Variants in RAB31 observed in about 807,000 individuals in gnomAD.
The protein encoded by RAB31 is ras-related protein Rab-31.
RAB31 carries 21 observed loss-of-function variants against 25.6 expected under a neutral mutation model. That is an observed-to-expected ratio of 0.82 (90% CI 0.58 to 1.18). The LOEUF is 1.18. Among genes scored for constraint, RAB31 ranks in the 50% most tolerant of loss-of-function variants. The probability of loss-of-function intolerance (pLI) is 0.00; values close to 1 mark genes in which losing one functional copy is unlikely to be tolerated. For synonymous variants in RAB31, 87 were observed against 84.0 expected (o/e 1.04, Z -0.20); for missense variants, 196 against 250.1 (o/e 0.78, Z 1.46).
chr18:9,749,963 C>A (rs756102589), intron 1 of RAB31, among the ~76,000 whole-genome samples: 32 of 152,120 alleles, frequency 2.1e-4, no homozygotes, highest in Non-Finnish European at 2.8e-4. Context: ...CCAGTGGGCC[C>A]TTTGATTCAT....
intron 6 of RAB31, among the ~76,000 whole-genome samples, chr18:9,850,536 G>A (rs2068784023): frequency 1.3e-5 from 2 of 152,198 alleles, no homozygotes; most frequent in South Asian, 4.1e-4. Flanking sequence ...GTCTGGATTG[G>A]GGTGGAACCC....
At chr18:9,819,753 T>G (rs1013896426) in intron 5 of RAB31, among the ~76,000 whole-genome samples, 2 of 152,102 alleles carry the variant, frequency 1.3e-5, no homozygotes, top group African/African-American at 2.4e-5. Flanking sequence ...TTTAGCAATG[T>G]TTTATAGCTT....
intron 3 of RAB31, among the ~76,000 whole-genome samples, chr18:9,804,760 T>G (rs2068531441): frequency 6.6e-6 from 1 of 152,114 alleles, no homozygotes; most frequent in Admixed American, 6.5e-5. Flanking sequence ...AGCACGGACC[T>G]GTGGTAGGAA....
intron 5 of RAB31, among the ~76,000 whole-genome samples, chr18:9,833,524 C>T (rs2068689609): frequency 6.6e-6 from 1 of 152,190 alleles, no homozygotes; most frequent in African/African-American, 2.4e-5. Flanking sequence ...TTTGCTCGAT[C>T]TCTTGTTAGT....
intron 1 of RAB31, among the ~76,000 whole-genome samples, chr18:9,720,613 G>C (rs1160667059): frequency 6.6e-6 from 1 of 151,906 alleles, no homozygotes; most frequent in South Asian, 2.1e-4. Flanking sequence ...CCCAAGATTC[G>C]GTGTCAGAGT....
intron 1 of RAB31, among the ~76,000 whole-genome samples, chr18:9,731,581 C>T (rs1342038191): frequency 6.8e-6 from 1 of 146,408 alleles, no homozygotes; most frequent in African/African-American, 2.5e-5. Context: ...AGATGAGAAC[C>T]TTTCTGGGAA....
rs2068453766 is a variant in RAB31, at chr18:9,790,368, G to A, written c.120-1786G>A. ...AGTCTTCTGAGCTGCCAGAACTACA[G>A]GCTGTGCCATAATGCTCAGCTGATT... On this transcript the variant is annotated intron_variant, in intron 2 of 6. Coordinates refer to ENST00000578921, the MANE Select transcript of RAB31 (RefSeq NM_006868.4). Among the ~76,000 whole-genome samples the A allele has an allele frequency of 2.0e-5, 3 of 151,880 alleles. 1 individual carries two copies. Among genetic ancestry groups the A allele is most frequent in the Non-Finnish European group, 4.4e-5 (3 of 67,958 alleles).
chr18:9,751,031 G>A (rs747653329), intron 1 of RAB31, among the ~76,000 whole-genome samples: 2 of 151,842 alleles, frequency 1.3e-5, no homozygotes, highest in African/African-American at 2.4e-5. Flanking sequence ...TTCTTTTTTC[G>A]TTTTTTAATT....
chr18:9,747,322 C>T (rs2068210735), intron 1 of RAB31, among the ~76,000 whole-genome samples: 1 of 152,132 alleles, frequency 6.6e-6, no homozygotes, highest in South Asian at 2.1e-4. Flanking sequence ...GAAAACAGTG[C>T]TTTGGTGATT....
At chr18:9,776,355 T>C (rs1568176206) in intron 2 of RAB31, among the ~76,000 whole-genome samples, 1 of 152,162 alleles carries the variant, frequency 6.6e-6, no homozygotes, top group Non-Finnish European at 1.5e-5. Context: ...TCTGTATGTT[T>C]TGGGAAACCT....
intron 6 of RAB31, among the ~76,000 whole-genome samples, chr18:9,854,035 A>G (rs2068803030): frequency 6.7e-6 from 1 of 149,446 alleles, no homozygotes; most frequent in South Asian, 2.1e-4. Flanking sequence ...ACAGGTATAC[A>G]TATGCCATAG....
intron 1 of RAB31, among the ~76,000 whole-genome samples, chr18:9,750,818 T>C (rs1016677852): frequency 6.6e-6 from 1 of 152,204 alleles, no homozygotes; most frequent in Non-Finnish European, 1.5e-5. Flanking sequence ...TGCAAACTTT[T>C]GGCCTTGTTG....
chr18:9,857,754 C>G (rs971092100), intron 6 of RAB31, among the ~76,000 whole-genome samples: 2 of 151,274 alleles, frequency 1.3e-5, no homozygotes, highest in African/African-American at 4.9e-5. Flanking sequence ...TAGCCTAGGC[C>G]TGGTGGCTCA....
intron 5 of RAB31, among the ~76,000 whole-genome samples, chr18:9,829,110 C>T (rs1473474462): frequency 6.6e-6 from 1 of 152,116 alleles, no homozygotes; most frequent in Non-Finnish European, 1.5e-5. Context: ...ACAAGCATAT[C>T]GTAAGGAATA....
intron 1 of RAB31, among the ~76,000 whole-genome samples, chr18:9,712,981 A>G (rs1197118478): frequency 1.3e-5 from 2 of 152,180 alleles, no homozygotes; most frequent in Admixed American, 6.5e-5. Flanking sequence ...ATTTGGTGAG[A>G]CATCTGGGTA....
At chr18:9,734,961 G>A in intron 1 of RAB31, 1 of 279,560 alleles carries the variant, frequency 3.6e-6, no homozygotes, top group Non-Finnish European at 7.4e-6. Flanking sequence ...TTGCACCACA[G>A]CAGTGATGGG....
chr18:9,725,888 G>A (rs1456513224), intron 1 of RAB31: 2 of 152,196 alleles, frequency 1.3e-5, no homozygotes, highest in South Asian at 2.1e-4. Flanking sequence ...GCTCAAATGC[G>A]TTTATAATAA....
intron 1 of RAB31, among the ~76,000 whole-genome samples, chr18:9,713,878 T>C (rs572572040): frequency 6.6e-5 from 10 of 152,134 alleles, no homozygotes; most frequent in Non-Finnish European, 1.3e-4. Context: ...ACTGAGAGAG[T>C]GCTCGGTCTC....
At chr18:9,790,277 A>C (rs2068453448) in intron 2 of RAB31, among the ~76,000 whole-genome samples, 1 of 152,166 alleles carries the variant, frequency 6.6e-6, no homozygotes, top group Non-Finnish European at 1.5e-5. Context: ...ACTGCAGTGC[A>C]CTGGGGCAAT....
Sources: gnomAD v4.1 joint callset for allele counts (sites outside exome capture counted in the v4.1 genomes callset) on GRCh38, gnomAD v4.1.1 for gene constraint, MANE v1.5 for transcripts, NCBI Gene and HGNC (gene_info 2026-07-23, HGNC 2026-07-21) for gene names.